RAD51B: variants seen among roughly 807,000 people sequenced by gnomAD.
RAD51B encodes RAD51 paralog B.
In RAD51B, 38 loss-of-function variants were observed where a neutral mutation model predicts 42.2. The observed-to-expected ratio is 0.90, with a 90% CI of 0.70 to 1.18. The LOEUF (loss-of-function observed/expected upper bound fraction) is 1.18, where lower values mean the gene tolerates loss of function less well. Ranked by LOEUF, RAD51B falls within the 50% of genes most tolerant of loss-of-function variation. The pLI, the probability that RAD51B is intolerant of heterozygous loss-of-function variation, is 0.00. For synonymous variants in RAD51B, 154 were observed against 145.2 expected (o/e 1.06, Z -0.43); for missense variants, 373 against 400.7 (o/e 0.93, Z 0.59).
chr14:67,885,400 A>G (rs907484595), intron 5 of RAD51B, among the ~76,000 whole-genome samples: 5 of 152,228 alleles, frequency 3.3e-5, no homozygotes, highest in Non-Finnish European at 5.9e-5. Flanking sequence ...GCATAGCATT[A>G]ATTTGCATGA....
At chr14:67,991,526 G>A (rs559638017) in intron 7 of RAD51B, among the ~76,000 whole-genome samples, 4 of 152,250 alleles carry the variant, frequency 2.6e-5, no homozygotes, top group Admixed American at 2.0e-4. Flanking sequence ...ATAAAAATAC[G>A]GTTATGTTGT....
intron 8 of RAD51B, among the ~76,000 whole-genome samples, chr14:68,312,513 G>A (rs917159974): frequency 1.3e-5 from 2 of 152,122 alleles, no homozygotes; most frequent in Admixed American, 1.3e-4. Flanking sequence ...GGGTCAACAG[G>A]TATAACCTCC....
intron 10 of RAD51B, among the ~76,000 whole-genome samples, chr14:68,484,636 C>T (rs932715276): frequency 4.6e-5 from 7 of 152,070 alleles, no homozygotes; most frequent in Non-Finnish European, 7.4e-5. Flanking sequence ...GGATTACAGG[C>T]GTGAGCCACC....
intron 7 of RAD51B, among the ~76,000 whole-genome samples, chr14:68,249,915 G>C (rs1488723450): frequency 6.6e-6 from 1 of 152,230 alleles, no homozygotes; most frequent in Non-Finnish European, 1.5e-5. Flanking sequence ...ATTAATCTCA[G>C]GCCACCGCCA....
chr14:68,206,019 G>A (rs896191986), intron 7 of RAD51B, among the ~76,000 whole-genome samples: 6 of 152,168 alleles, frequency 3.9e-5, no homozygotes, highest in Admixed American at 3.9e-4. Flanking sequence ...ATCCAGCATA[G>A]GATTAGGTAT....
intron 10 of RAD51B, among the ~76,000 whole-genome samples, chr14:68,620,526 C>T (rs1411651955): frequency 6.6e-6 from 1 of 152,180 alleles, no homozygotes; most frequent in Non-Finnish European, 1.5e-5. Flanking sequence ...GACCCCTAAC[C>T]CTTGATCCTG....
chr14:68,534,852 A>G (rs1218890206), intron 10 of RAD51B, among the ~76,000 whole-genome samples: 2 of 152,206 alleles, frequency 1.3e-5, no homozygotes, highest in East Asian at 3.8e-4. Flanking sequence ...GTGGATGCTC[A>G]ATACATATTT....
intron 7 of RAD51B, among the ~76,000 whole-genome samples, chr14:67,941,068 G>A (rs1438538657): frequency 1.3e-5 from 2 of 152,182 alleles, no homozygotes; most frequent in East Asian, 1.9e-4. Context: ...AGTCACATGT[G>A]CTTCTTGTGG....
intron 8 of RAD51B, among the ~76,000 whole-genome samples, chr14:68,311,883 A>C (rs1336692902): frequency 6.6e-6 from 1 of 152,068 alleles, no homozygotes; most frequent in Non-Finnish European, 1.5e-5. Context: ...GCAGAGCAAG[A>C]CTCCCTCTCA....
At chr14:67,959,437 T>C (rs886585007) in intron 7 of RAD51B, among the ~76,000 whole-genome samples, 1 of 151,938 alleles carries the variant, frequency 6.6e-6, no homozygotes, top group Non-Finnish European at 1.5e-5. Flanking sequence ...TTAGTAGAGA[T>C]GGGGTTTTAC....
At chr14:68,358,667 T>C (rs2082956956) in intron 8 of RAD51B, among the ~76,000 whole-genome samples, 1 of 152,224 alleles carries the variant, frequency 6.6e-6, no homozygotes, top group African/African-American at 2.4e-5. Flanking sequence ...GTATTTCTCC[T>C]ATTATGAAAC....
chr14:68,048,379 C>T (rs1025473583), intron 7 of RAD51B, among the ~76,000 whole-genome samples: 2 of 152,100 alleles, frequency 1.3e-5, no homozygotes, highest in East Asian at 3.8e-4. Flanking sequence ...AATTTTCTCC[C>T]GTTCTCTAGG....
chr14:67,970,394 G>C (rs2074872777), intron 7 of RAD51B, among the ~76,000 whole-genome samples: 1 of 152,044 alleles, frequency 6.6e-6, no homozygotes, highest in South Asian at 2.1e-4. Context: ...TAAAAGCAAA[G>C]GTTTTGTAAG....
intron 10 of RAD51B, among the ~76,000 whole-genome samples, chr14:68,473,035 A>G (rs1345541793): frequency 6.6e-6 from 1 of 152,174 alleles, no homozygotes; most frequent in African/African-American, 2.4e-5. Context: ...TTTATTGACA[A>G]AAATGTCCCC....
intron 7 of RAD51B, among the ~76,000 whole-genome samples, chr14:67,893,844 A>T (rs1298149614): frequency 6.6e-6 from 1 of 152,136 alleles, no homozygotes; most frequent in Non-Finnish European, 1.5e-5. Context: ...GGTCCCATAC[A>T]TATTATCTAA....
At position 68,477,779 on chromosome 14, in the gene RAD51B, T is replaced by C; in HGVS notation, c.*115T>C. On this transcript the variant is annotated 3_prime_UTR_variant, in exon 11 of 11. Transcript: ENST00000471583. ...GACATAATGGGGATTAATTAGTTGA[T>C]TGCTGTTGAGATGGTAACAGATTTG... 1 of 1,549,508 alleles carries C rather than the reference T, an allele frequency of 6.5e-7. No individual in the cohort carries two copies. Among genetic ancestry groups the C allele is most frequent in the East Asian group, 2.3e-5 (1 of 44,068 alleles).
At chr14:68,497,057 G>A in intron 10 of RAD51B, 1 of 1,301,524 alleles carries the variant, frequency 7.7e-7, no homozygotes. Flanking sequence ...GCCTCAGTAG[G>A]CTTTATGCAA....
chr14:68,615,582 T>G (rs913191069), downstream of RAD51B, among the ~76,000 whole-genome samples: 7 of 152,088 alleles, frequency 4.6e-5, no homozygotes, highest in Non-Finnish European at 7.4e-5. Flanking sequence ...CCTGACCTCA[T>G]GATCTGCCTG....
rs1452777847 is a variant in RAD51B, at chr14:68,219,721, C to A, written c.757-72163C>A. On this transcript the variant is annotated intron_variant, in intron 7 of 10. Coordinates refer to ENST00000471583, the MANE Select transcript of RAD51B (RefSeq NM_133510.4). ...TCCCAGATCTTACCTCTGACATCGT[C>A]TACCCAAATGAGAAGGAACTAGAAA... Among the ~76,000 whole-genome samples, 4 of 152,144 alleles carry A rather than the reference C, an allele frequency of 2.6e-5. No individual in the cohort carries two copies. The East Asian group carries it at 7.7e-4, about 29-fold the overall frequency.
Sources: allele counts gnomAD v4.1 joint callset (sites outside exome capture counted in the v4.1 genomes callset), GRCh38; gene constraint gnomAD v4.1.1; transcripts MANE v1.5; gene names NCBI Gene and HGNC (gene_info 2026-07-23, HGNC 2026-07-21).